The following NTM variants were observed in gnomAD, a reference collection of about 807,000 sequenced individuals.
NTM encodes the protein neurotrimin.
A neutral mutation model predicts 42.1 loss-of-function variants in NTM; 13 were observed. That is an observed-to-expected ratio of 0.31 (90% confidence interval 0.20 to 0.49). NTM has a LOEUF of 0.49. NTM is among the 20% of genes least tolerant of loss of function. The pLI, the probability that NTM is intolerant of heterozygous loss-of-function variation, is 0.99. For synonymous variants in NTM, 187 were observed against 179.2 expected (o/e 1.04, Z -0.35); for missense variants, 373 against 452.8 (o/e 0.82, Z 1.60).
Position 131,391,738 on chromosome 11 carries a change from T to A in NTM, c.82+20850T>A, listed in dbSNP as rs944419753. On this transcript the variant is annotated intron_variant, in intron 1 of 8. Transcript: ENST00000683400. Reference sequence around the variant, plus strand: ...AGACAGAAACAGGCTCCCAGCACCCTGTGCGGCTCATTTCTACACCCGTGA... The same window carrying A: ...AGACAGAAACAGGCTCCCAGCACCCAGTGCGGCTCATTTCTACACCCGTGA... Among the ~76,000 whole-genome samples, 20 of 151,234 alleles carry A rather than the reference T, an allele frequency of 1.3e-4. No individual in the cohort carries two copies. In the East Asian group the frequency reaches 3.5e-3, roughly 27 times the overall value.
At chr11:132,028,022 T>C (rs1386192550) in intron 2 of NTM, among the ~76,000 whole-genome samples, 2 of 152,014 alleles carry the variant, frequency 1.3e-5, no homozygotes, top group Non-Finnish European at 2.9e-5. Context: ...GCATTCTTCA[T>C]TTCTGTTGAT....
At chr11:131,962,717 T>C (rs2062357772) in intron 2 of NTM, among the ~76,000 whole-genome samples, 1 of 152,216 alleles carries the variant, frequency 6.6e-6, no homozygotes, top group Non-Finnish European at 1.5e-5. Flanking sequence ...TCATTGCTTA[T>C]GCCATTTACC....
Position 131,658,550 on chromosome 11 carries a change from G to A in NTM, c.83-253014G>A, listed in dbSNP as rs576319183. On this transcript the variant is annotated intron_variant, in intron 1 of 8. Coordinates refer to ENST00000683400, the MANE Select transcript of NTM (RefSeq NM_001352005.2). The stretch of plus-strand genomic sequence containing the variant: ...CAAGAGTAATAGAGGATGCAGACGA[G>A]GACGGCATGCCTTGCTCTGATTCAG... 1.6e-3 allele frequency among the ~76,000 whole-genome samples: 248 copies of A among 152,306 alleles called. 2 individuals are homozygous for A. The highest frequency in any genetic ancestry group is 5.8e-3 in the African/African-American group (239 of 41,556).
chr11:131,584,794 CGA>C (rs1361957304), intron 1 of NTM, among the ~76,000 whole-genome samples: 1 of 152,164 alleles, frequency 6.6e-6, no homozygotes, highest in Non-Finnish European at 1.5e-5. Context: ...TCTGGTTCGC[CGA>C]GAGGCCGAGG....
rs542444485 is a variant in NTM, at chr11:132,132,847, A to T, written c.168-13435A>T. On this transcript the variant is annotated intron_variant, in intron 2 of 8. Transcript: ENST00000683400. ...TGGTTGCTGCCTCTCTCAAATATGA[A>T]CAAGCAAGCTGAGGTGATCGCAGGT... is the stretch of plus-strand genomic sequence containing the variant. Among the ~76,000 whole-genome samples, 22 of 152,300 alleles carry T rather than the reference A, an allele frequency of 1.4e-4. No homozygotes were observed. In the South Asian group the frequency reaches 4.6e-3, roughly 32 times the overall value.
At chr11:131,898,154 C>T (rs557013728) in intron 1 of NTM, among the ~76,000 whole-genome samples, 5 of 152,124 alleles carry the variant, frequency 3.3e-5, no homozygotes, top group South Asian at 2.1e-4. Context: ...TGACTGTGCT[C>T]GAAATGTTTA....
At chr11:132,130,625 GTTCTACACCACT>G (rs2066642657) in intron 2 of NTM, among the ~76,000 whole-genome samples, 1 of 152,180 alleles carries the variant, frequency 6.6e-6, no homozygotes, top group Non-Finnish European at 1.5e-5. Context: ...TGCCTTCACA[GTTCTACACCACT>G]TTCTAGTCTA....
chr11:131,788,173 T>G (rs889080024), intron 1 of NTM, among the ~76,000 whole-genome samples: 2 of 152,166 alleles, frequency 1.3e-5, no homozygotes, highest in African/African-American at 4.8e-5. Context: ...TTAGGTCTGT[T>G]TAATTATTTT....
intron 1 of NTM, among the ~76,000 whole-genome samples, chr11:131,409,338 C>T (rs145408268): frequency 6.6e-6 from 1 of 152,204 alleles, no homozygotes; most frequent in Admixed American, 6.5e-5. Context: ...TGAGAGCCCC[C>T]ATCTGGGCTA....
At chr11:132,033,139 A>G (rs1282519952) in intron 2 of NTM, among the ~76,000 whole-genome samples, 8 of 152,180 alleles carry the variant, frequency 5.3e-5, no homozygotes, top group African/African-American at 1.7e-4. Context: ...TACACAGATA[A>G]TGAGAGCACG....
chr11:132,048,818 C>CTTTTTTTTTTT (rs10563617), intron 2 of NTM, among the ~76,000 whole-genome samples: 5 of 132,994 alleles, frequency 3.8e-5, no homozygotes, highest in South Asian at 2.5e-4. Context: ...TTTCTTTTTT[C>CTTTTTTTTTTT]TTTTTTTTTT....
intron 4 of NTM, among the ~76,000 whole-genome samples, chr11:132,292,823 G>A (rs898274128): frequency 1.6e-4 from 19 of 120,386 alleles, no homozygotes; most frequent in Admixed American, 9.3e-4. Flanking sequence ...ACTAAAAAAT[G>A]TTGGATCGGG....
At chr11:131,949,568 T>C (rs2060753256) in intron 2 of NTM, among the ~76,000 whole-genome samples, 2 of 152,200 alleles carry the variant, frequency 1.3e-5, no homozygotes, top group African/African-American at 4.8e-5. Flanking sequence ...GAGACATCAT[T>C]GTCTCTGGCA....
chr11:131,550,880 C>T (rs2054574272), intron 1 of NTM, among the ~76,000 whole-genome samples: 1 of 152,132 alleles, frequency 6.6e-6, no homozygotes, highest in East Asian at 1.9e-4. Context: ...AGACACTGTT[C>T]TGCCTCTTTT....
intron 1 of NTM, among the ~76,000 whole-genome samples, chr11:131,628,267 C>T (rs184112779): frequency 1.3e-5 from 2 of 152,322 alleles, no homozygotes; most frequent in Admixed American, 6.5e-5. Context: ...ACCCCTTCCT[C>T]CCAGTAATTA....
chr11:131,482,691 A>G (rs756754467), intron 1 of NTM, among the ~76,000 whole-genome samples: 3 of 152,196 alleles, frequency 2.0e-5, no homozygotes, highest in Admixed American at 6.5e-5. Context: ...TTAACCTCCA[A>G]AAGAGATTTC....
chr11:132,165,637 A>AG (rs895273362), intron 3 of NTM, among the ~76,000 whole-genome samples: 1 of 152,190 alleles, frequency 6.6e-6, no homozygotes, highest in Admixed American at 6.5e-5. Flanking sequence ...ACTGAGGCTC[A>AG]GGGGGGGTTT....
intron 2 of NTM, among the ~76,000 whole-genome samples, chr11:131,917,796 G>A (rs1565733490): frequency 6.6e-6 from 1 of 152,220 alleles, no homozygotes; most frequent in Non-Finnish European, 1.5e-5. Context: ...GCATCCGGCT[G>A]GTGTCCTGTG....
At chr11:132,320,092 C>T (rs1216700294) in intron 7 of NTM, among the ~76,000 whole-genome samples, 2 of 152,208 alleles carry the variant, frequency 1.3e-5, no homozygotes, top group Non-Finnish European at 2.9e-5. Context: ...ACAGAAAGGA[C>T]ATCCACACCA....
Sources: gnomAD v4.1 joint callset for allele counts (sites outside exome capture counted in the v4.1 genomes callset) on GRCh38, gnomAD v4.1.1 for gene constraint, MANE v1.5 for transcripts, NCBI Gene and HGNC (gene_info 2026-07-23, HGNC 2026-07-21) for gene names.